Variants in PRKG1 observed in about 807,000 individuals in gnomAD.
The protein encoded by PRKG1 is protein kinase cGMP-dependent 1.
PRKG1 carries 35 observed loss-of-function variants against 88.1 expected under a neutral mutation model. That is an observed-to-expected ratio of 0.40 (90% CI 0.30 to 0.53). The LOEUF (loss-of-function observed/expected upper bound fraction) is 0.53, where lower values mean the gene tolerates loss of function less well. Ranked by LOEUF, PRKG1 falls within the 20% of genes least tolerant of loss-of-function variation. The pLI is 0.59. For missense variants in PRKG1, 540 were observed against 839.8 expected, an observed-to-expected ratio of 0.64 and a Z score of 4.41; for synonymous variants, 303 against 292.5, an observed-to-expected ratio of 1.04 and a Z score of -0.37.
chr10:51,474,925 T>C (rs74987744), intron 3 of PRKG1, among the ~76,000 whole-genome samples: 116 of 152,060 alleles, frequency 7.6e-4, no homozygotes, highest in African/African-American at 2.8e-3. Context: ...ATAATAATGC[T>C]TTATAATTTA....
chr10:52,006,180 C>T (rs1239903169), intron 5 of PRKG1, among the ~76,000 whole-genome samples: 5 of 152,110 alleles, frequency 3.3e-5, no homozygotes, highest in Non-Finnish European at 7.4e-5. Context: ...GAGAAAGAAC[C>T]AGTGTAAGAA....
rs377140720 is a variant in PRKG1 at position 52,133,957 on chromosome 10, A to G, written c.1001+52A>G. On this transcript the variant is annotated intron_variant, in intron 8 of 17. Coordinates refer to ENST00000373980, the MANE Select transcript of PRKG1 (RefSeq NM_006258.4). ...TTACACACTCATATCAGCAACACAC[A>G]TGAGTTCTTGGAATTAGACATCATT... 1.6e-5 allele frequency: 23 copies of G among 1,412,076 alleles called. No individual in the cohort carries two copies. The African/African-American group carries it at 2.8e-4, about 17-fold the overall frequency. The allele number at this position is 1,412,076 out of a possible 1,614,324, so 87.5% of individuals were successfully genotyped here. A position where few individuals can be genotyped will look rare whatever the true frequency, so the allele number is the denominator to read the frequency against.
intron 1 of PRKG1, among the ~76,000 whole-genome samples, chr10:51,142,385 T>C (rs1455709624): frequency 6.6e-6 from 1 of 152,058 alleles, no homozygotes; most frequent in African/African-American, 2.4e-5. Context: ...CTGATAACTA[T>C]TGCAGTGGAT....
chr10:51,758,831 T>A (rs900747032), intron 3 of PRKG1, among the ~76,000 whole-genome samples: 3 of 152,174 alleles, frequency 2.0e-5, no homozygotes, highest in Middle Eastern at 3.4e-3. Flanking sequence ...TTTTTCCTAA[T>A]GCTCTCCCTC....
At position 52,012,305 on chromosome 10, in the gene PRKG1, A is replaced by G. The variant is rs1436739957; in HGVS notation, c.763-42179A>G. ...TGCCCAGGCTGGAGTAAAGTGGCAC[A>G]ATCTCAGCTCACTGCAACCTCCACC... On this transcript the variant is annotated intron_variant, in intron 5 of 17. Transcript: ENST00000373980. Among the ~76,000 whole-genome samples, 5 of 150,114 alleles carry G rather than the reference A, an allele frequency of 3.3e-5. No individual in the cohort carries two copies. In the South Asian group the frequency reaches 8.4e-4, roughly 25 times the overall value.
At chr10:51,270,583 G>A (rs1839952852) in intron 2 of PRKG1, among the ~76,000 whole-genome samples, 1 of 152,138 alleles carries the variant, frequency 6.6e-6, no homozygotes. Flanking sequence ...ATTGGAAACT[G>A]TGAGTAGATC....
chr10:51,858,569 A>G (rs547700527), intron 4 of PRKG1, among the ~76,000 whole-genome samples: 4 of 148,138 alleles, frequency 2.7e-5, no homozygotes, highest in African/African-American at 7.5e-5. Flanking sequence ...TAAAAAAAAA[A>G]CCCTATTAAA....
intron 1 of PRKG1, among the ~76,000 whole-genome samples, chr10:51,025,303 T>TA (rs1192174894): frequency 4.6e-5 from 7 of 152,190 alleles, no homozygotes; most frequent in Admixed American, 3.9e-4. Context: ...GCGGTATGTG[T>TA]GGGCTCATTT....
At chr10:51,881,917 A>G (rs1222279180) in intron 4 of PRKG1, among the ~76,000 whole-genome samples, 1 of 152,178 alleles carries the variant, frequency 6.6e-6, no homozygotes, top group African/African-American at 2.4e-5. Flanking sequence ...GCACCAACTG[A>G]GCCCTAACTC....
At chr10:51,442,610 T>C (rs1350684202) in intron 2 of PRKG1, among the ~76,000 whole-genome samples, 4 of 152,044 alleles carry the variant, frequency 2.6e-5, no homozygotes, top group East Asian at 3.9e-4. Context: ...ATTGTACTTA[T>C]AGGTGGCCTA....
intron 2 of PRKG1, among the ~76,000 whole-genome samples, chr10:51,167,292 G>A (rs188690816): frequency 5.3e-5 from 8 of 152,168 alleles, no homozygotes; most frequent in Admixed American, 1.3e-4. Flanking sequence ...CCAAACAAAA[G>A]TGTGGGTAGA....
intron 7 of PRKG1, among the ~76,000 whole-genome samples, chr10:52,090,743 A>G (rs1254983493): frequency 6.6e-6 from 1 of 152,214 alleles, no homozygotes; most frequent in Admixed American, 6.5e-5. Context: ...ATTAATTAGA[A>G]TGCCTTTTTC....
At chr10:51,623,939 T>C (rs1839271164) in intron 3 of PRKG1, among the ~76,000 whole-genome samples, 1 of 152,026 alleles carries the variant, frequency 6.6e-6, no homozygotes, top group Admixed American at 6.6e-5. Flanking sequence ...TATTTTTCTC[T>C]CTAAAAAATA....
intron 1 of PRKG1, among the ~76,000 whole-genome samples, chr10:51,016,067 A>G (rs1420144859): frequency 6.6e-6 from 1 of 152,202 alleles, no homozygotes; most frequent in Non-Finnish European, 1.5e-5. Flanking sequence ...TACATTCTGC[A>G]TATGTGTTTG....
chr10:51,899,310 T>C (rs1288820077), intron 4 of PRKG1, among the ~76,000 whole-genome samples: 2 of 152,028 alleles, frequency 1.3e-5, no homozygotes, highest in Non-Finnish European at 2.9e-5. Flanking sequence ...ATAATAAACA[T>C]ATTATATTGT....
chr10:52,228,519 A>T (rs1840446819), intron 9 of PRKG1, among the ~76,000 whole-genome samples: 1 of 152,130 alleles, frequency 6.6e-6, no homozygotes, highest in Non-Finnish European at 1.5e-5. Context: ...CTATATTACA[A>T]GTTTTTCGCA....
At chr10:51,071,342 A>C (rs1444624281), upstream of PRKG1, among the ~76,000 whole-genome samples, 1 of 152,234 alleles carries the variant, frequency 6.6e-6, no homozygotes, top group East Asian at 1.9e-4. Flanking sequence ...TAAAAATGAA[A>C]GAGAAAAGGC....
In PRKG1 at chr10:51,814,222, T is replaced by G. The variant is rs549401432; in HGVS notation, c.698+9532T>G. ...ACTGTTTGGACACATACAAAGTATC[T>G]TTTGTACACTTTAACCTGAACAAAT... On this transcript the variant is annotated intron_variant, in intron 4 of 17. Coordinates refer to ENST00000373980, the MANE Select transcript of PRKG1 (RefSeq NM_006258.4). Among the ~76,000 whole-genome samples the G allele has an allele frequency of 4.6e-5, 7 of 152,314 alleles. No homozygotes were observed. In the South Asian group the frequency reaches 1.5e-3, roughly 32 times the overall value.
At chr10:51,847,738 T>C (rs963404488) in intron 4 of PRKG1, among the ~76,000 whole-genome samples, 1 of 147,948 alleles carries the variant, frequency 6.8e-6, no homozygotes, top group Non-Finnish European at 1.5e-5. Flanking sequence ...AAGTTGAGTG[T>C]GGTAGTGCAT....
Sources: gnomAD v4.1 joint callset for allele counts (sites outside exome capture counted in the v4.1 genomes callset) on GRCh38, gnomAD v4.1.1 for gene constraint, MANE v1.5 for transcripts, NCBI Gene and HGNC (gene_info 2026-07-23, HGNC 2026-07-21) for gene names.